Variants in MBD5 observed in about 807,000 individuals in gnomAD.
MBD5 encodes the protein methyl-CpG-binding domain protein 5.
A neutral mutation model predicts 117.3 loss-of-function variants in MBD5; 13 were observed. That is an observed-to-expected ratio of 0.11 (90% CI 0.07 to 0.18). The LOEUF (loss-of-function observed/expected upper bound fraction) is 0.18, where lower values mean the gene tolerates loss of function less well. MBD5 is among the 10% of genes least tolerant of loss of function. The probability of loss-of-function intolerance (pLI) is 1.00; values close to 1 mark genes in which losing one functional copy is unlikely to be tolerated. For missense variants in MBD5, 1,879 were observed against 2,093.8 expected, an observed-to-expected ratio of 0.90 and a Z score of 2.00; for synonymous variants, 727 against 766.4, an observed-to-expected ratio of 0.95 and a Z score of 0.85.
chr2:148,475,155 T>C (rs1055729310), intron 8 of MBD5, among the ~76,000 whole-genome samples: 1 of 152,086 alleles, frequency 6.6e-6, no homozygotes, highest in African/African-American at 2.4e-5. Context: ...AGTGAAAGTA[T>C]TTTCACTCAA....
intron 2 of MBD5, among the ~76,000 whole-genome samples, chr2:148,210,530 A>G (rs1699396876): frequency 6.6e-6 from 1 of 152,030 alleles, no homozygotes; most frequent in African/African-American, 2.4e-5. Flanking sequence ...TTAATAGGCC[A>G]AAACAATAAC....
chr2:148,385,165 A>G (rs1354912504), intron 4 of MBD5, among the ~76,000 whole-genome samples: 1 of 152,196 alleles, frequency 6.6e-6, no homozygotes, highest in East Asian at 1.9e-4. Flanking sequence ...CTACCATCAG[A>G]GTGAACAGGC....
chr2:148,326,765 A>T (rs1702463720), intron 3 of MBD5, among the ~76,000 whole-genome samples: 2 of 151,920 alleles, frequency 1.3e-5, no homozygotes, highest in Non-Finnish European at 2.9e-5. Context: ...AATACAGCAC[A>T]CTGATGGGTC....
chr2:148,042,719 T>C (rs950922192), intron 1 of MBD5, among the ~76,000 whole-genome samples: 5 of 152,118 alleles, frequency 3.3e-5, no homozygotes, highest in African/African-American at 1.2e-4. Flanking sequence ...AATTATGATA[T>C]TAATAGTTTC....
chr2:148,495,925 C>T (rs368523008), intron 11 of MBD5, among the ~76,000 whole-genome samples: 5 of 152,230 alleles, frequency 3.3e-5, no homozygotes, highest in African/African-American at 1.2e-4. Flanking sequence ...ACCTTGCATT[C>T]TGGGGGTGTG....
At chr2:148,200,737 A>G (rs888586315) in intron 2 of MBD5, among the ~76,000 whole-genome samples, 5 of 152,054 alleles carry the variant, frequency 3.3e-5, no homozygotes, top group Admixed American at 2.6e-4. Flanking sequence ...CAACACAGAA[A>G]AAAAAAGACA....
At chr2:148,137,498 C>A (rs1227978073) in intron 1 of MBD5, among the ~76,000 whole-genome samples, 1 of 152,194 alleles carries the variant, frequency 6.6e-6, no homozygotes, top group Non-Finnish European at 1.5e-5. Context: ...TCTTGGCTCA[C>A]ACCTGTAATC....
chr2:148,359,831 A>G (rs552262403), intron 4 of MBD5, among the ~76,000 whole-genome samples: 1 of 152,170 alleles, frequency 6.6e-6, no homozygotes, highest in Non-Finnish European at 1.5e-5. Flanking sequence ...ATTAAGAAAA[A>G]TTCACTGAAA....
chr2:148,029,407 G>A (rs1693979358), intron 1 of MBD5, among the ~76,000 whole-genome samples: 1 of 152,058 alleles, frequency 6.6e-6, no homozygotes, highest in African/African-American at 2.4e-5. Context: ...TTCCTAGCTT[G>A]AAAAATATAG....
intron 3 of MBD5, among the ~76,000 whole-genome samples, chr2:148,248,788 A>T (rs1466521200): frequency 2.6e-5 from 4 of 152,092 alleles, no homozygotes; most frequent in African/African-American, 9.7e-5. Context: ...AAAGATAGAC[A>T]GACTGACCAG....
chr2:148,120,863 C>T (rs1307204064), intron 1 of MBD5, among the ~76,000 whole-genome samples: 1 of 152,180 alleles, frequency 6.6e-6, no homozygotes, highest in Non-Finnish European at 1.5e-5. Context: ...AGAGAGAAAG[C>T]ATGTAGTGCC....
At chr2:148,484,255 C>A in intron 9 of MBD5, 120 bp downstream of exon 9, 1 of 867,764 alleles carries the variant, frequency 1.2e-6, no homozygotes, top group Non-Finnish European at 1.7e-6. Flanking sequence ...TATGTCACAG[C>A]TTGCTTAAGG....
rs1681467352 is a variant in MBD5 at position 148,489,924 on chromosome 2, A to G, written c.4292A>G (p.Asp1431Gly). ...ASCHTSKKQW[D>G]GEQSPRGERN... ...TGCCACACATCCAAAAAACAGTGGG[A>G]CGGGGAGCAAAGCCCCAGAGGGGAG... The change falls in exon 11 of 14, where the codon GAC (aspartate) becomes GGC (glycine). Residue 1431 changes from aspartate to glycine, a missense_variant. Asp to Gly is a moderately conservative substitution (Grantham distance 94). Coordinates refer to ENST00000642680, the MANE Select transcript of MBD5 (RefSeq NM_001378120.1). 1.2e-6 allele frequency: 2 copies of G among 1,614,108 alleles called. No individual in the cohort carries two copies. The highest frequency in any genetic ancestry group is 1.7e-6 in the Non-Finnish European group (2 of 1,180,008).
chr2:148,381,179 G>A (rs1009576027), intron 4 of MBD5, among the ~76,000 whole-genome samples: 6 of 152,100 alleles, frequency 3.9e-5, no homozygotes, highest in Admixed American at 2.0e-4. Context: ...TGAGCTAAAG[G>A]AGGAAGTTCG....
At chr2:148,442,869 G>T (rs1488633061) in intron 4 of MBD5, among the ~76,000 whole-genome samples, 2 of 151,326 alleles carry the variant, frequency 1.3e-5, no homozygotes, top group Admixed American at 6.6e-5. Context: ...ACAAGCACAG[G>T]AAACAAAAGC....
At chr2:148,048,813 T>G (rs1229978313) in intron 1 of MBD5, among the ~76,000 whole-genome samples, 2 of 152,134 alleles carry the variant, frequency 1.3e-5, no homozygotes, top group African/African-American at 4.8e-5. Flanking sequence ...AAGTTACTAC[T>G]TTGCTCCCTT....
intron 1 of MBD5, among the ~76,000 whole-genome samples, chr2:148,154,676 GT>G (rs1233374218): frequency 6.6e-6 from 1 of 152,168 alleles, no homozygotes; most frequent in African/African-American, 2.4e-5. Context: ...CAGTAATCGG[GT>G]GGGAGTGACC....
chr2:148,244,933 A>G (rs1399127221), intron 3 of MBD5, among the ~76,000 whole-genome samples: 2 of 150,888 alleles, frequency 1.3e-5, no homozygotes, highest in African/African-American at 2.4e-5. Context: ...TCAAGCCTAC[A>G]TTCCTGGAAA....
At chr2:148,124,991 T>C (rs1031859567) in intron 1 of MBD5, among the ~76,000 whole-genome samples, 1 of 151,166 alleles carries the variant, frequency 6.6e-6, no homozygotes, top group African/African-American at 2.4e-5. Flanking sequence ...ATCAGGATTA[T>C]ACATATATAT....
Sources: allele counts gnomAD v4.1 joint callset (sites outside exome capture counted in the v4.1 genomes callset), GRCh38; gene constraint gnomAD v4.1.1; transcripts MANE v1.5; gene names NCBI Gene and HGNC (gene_info 2026-07-23, HGNC 2026-07-21).